The following DTD1 variants were observed in gnomAD, a reference collection of about 807,000 sequenced individuals.
DTD1 encodes the protein D-tyrosyl-tRNA deacylase 1 homolog.
In DTD1, 13 loss-of-function variants were observed where a neutral mutation model predicts 25.6. That is an observed-to-expected ratio of 0.51 (90% CI 0.33 to 0.81). DTD1 has a LOEUF of 0.81. Among genes scored for constraint, DTD1 ranks in the 30% least tolerant of loss-of-function variants. The pLI, the probability that DTD1 is intolerant of heterozygous loss-of-function variation, is 0.02. For synonymous variants in DTD1, 110 were observed against 103.6 expected (o/e 1.06, Z -0.37); for missense variants, 193 against 266.4 (o/e 0.72, Z 1.92).
intron 4 of DTD1, among the ~76,000 whole-genome samples, chr20:18,741,682 G>A (rs2061278651): frequency 5.9e-5 from 9 of 151,728 alleles, no homozygotes; most frequent in Admixed American, 5.9e-4. Context: ...AGCTAAATTT[G>A]TTTTGTATAA....
chr20:18,615,488 C>A (rs1285502143), intron 3 of DTD1, among the ~76,000 whole-genome samples: 1 of 152,180 alleles, frequency 6.6e-6, no homozygotes, highest in African/African-American at 2.4e-5. Context: ...CACATGAATG[C>A]TGAAGGCCCC....
chr20:18,593,990 T>C (rs986022626), intron 2 of DTD1, among the ~76,000 whole-genome samples, 169 bp downstream of exon 2: 1 of 152,156 alleles, frequency 6.6e-6, no homozygotes. Context: ...CGAGGAAGAA[T>C]GATTTAGGAG....
chr20:18,721,909 G>A (rs958126307), intron 4 of DTD1, among the ~76,000 whole-genome samples: 1 of 152,148 alleles, frequency 6.6e-6, no homozygotes, highest in Non-Finnish European at 1.5e-5. Context: ...GGTCACACCC[G>A]GGTCTGTGCA....
intron 3 of DTD1, among the ~76,000 whole-genome samples, chr20:18,613,842 A>G (rs1373411854): frequency 1.3e-5 from 2 of 152,206 alleles, no homozygotes; most frequent in Non-Finnish European, 2.9e-5. Context: ...ACCAATACCC[A>G]TGCAGAGTGT....
intron 4 of DTD1, among the ~76,000 whole-genome samples, chr20:18,629,371 G>A (rs2060774076): frequency 7.1e-6 from 1 of 140,930 alleles, no homozygotes; most frequent in Admixed American, 8.0e-5. Flanking sequence ...TGCGATCATG[G>A]CTCACTCCAG....
intron 4 of DTD1, 121 bp downstream of exon 4, chr20:18,628,354 T>G: frequency 1.3e-6 from 1 of 753,044 alleles, no homozygotes; most frequent in Non-Finnish European, 2.2e-6. Flanking sequence ...TTTATTTTAA[T>G]ACCTGCCTTC....
At chr20:18,704,848 G>T (rs951092191) in intron 4 of DTD1, among the ~76,000 whole-genome samples, 1 of 152,174 alleles carries the variant, frequency 6.6e-6, no homozygotes, top group Admixed American at 6.5e-5. Flanking sequence ...GGCAGGGGAA[G>T]GAGATCAGGA....
At chr20:18,616,133 T>C (rs1219467938) in intron 3 of DTD1, among the ~76,000 whole-genome samples, 1 of 152,194 alleles carries the variant, frequency 6.6e-6, no homozygotes, top group Non-Finnish European at 1.5e-5. Context: ...AATGGCAGGG[T>C]TGGCAAACTG....
At position 18,648,823 on chromosome 20, in the gene DTD1, C is replaced by T. The variant is rs929759565; in HGVS notation, c.477+20590C>T. On this transcript the variant is annotated intron_variant, in intron 4 of 5. Coordinates refer to ENST00000377452, the MANE Select transcript of DTD1 (RefSeq NM_080820.6). ...CATTCTGGCTAACACGGTGAAACCT[C>T]GTCTCTACTAAAAATACAAAAAATT... is the stretch of plus-strand genomic sequence containing the variant. 2.6e-5 allele frequency among the ~76,000 whole-genome samples: 4 copies of T among 151,554 alleles called. 1 individual carries two copies. The highest frequency in any genetic ancestry group is 9.7e-5 in the African/African-American group (4 of 41,232).
intron 4 of DTD1, among the ~76,000 whole-genome samples, chr20:18,695,287 T>C (rs6081305): frequency 0.36 from 54,755 of 151,196 alleles, 10,236 homozygotes; most frequent in Non-Finnish European, 0.41. Flanking sequence ...CTCGTTCAGG[T>C]GCACATCTGC....
At chr20:18,627,951 T>A (rs1404731829) in intron 3 of DTD1, among the ~76,000 whole-genome samples, 176 bp from the exon 4 acceptor site, 1 of 152,180 alleles carries the variant, frequency 6.6e-6, no homozygotes, top group African/African-American at 2.4e-5. Context: ...CCGCCATGAT[T>A]GTGAGGCCTT....
At chr20:18,599,877 T>C (rs948930970) in intron 3 of DTD1, among the ~76,000 whole-genome samples, 6 of 152,230 alleles carry the variant, frequency 3.9e-5, no homozygotes, top group Admixed American at 3.3e-4. Flanking sequence ...TTTCTTACTG[T>C]GTTTTAAGAG....
chr20:18,679,368 G>T (rs2060988069), intron 4 of DTD1, among the ~76,000 whole-genome samples: 1 of 152,146 alleles, frequency 6.6e-6, no homozygotes, highest in South Asian at 2.1e-4. Context: ...ATAGTCTGAG[G>T]TTTACATGAC....
intron 4 of DTD1, among the ~76,000 whole-genome samples, chr20:18,697,775 C>G (rs1481221761): frequency 6.6e-6 from 1 of 152,240 alleles, no homozygotes; most frequent in African/African-American, 2.4e-5. Flanking sequence ...AGCTCCGCCT[C>G]TTAGGTTCAC....
intron 3 of DTD1, among the ~76,000 whole-genome samples, chr20:18,624,667 C>G (rs1026122647): frequency 4.6e-5 from 7 of 152,174 alleles, no homozygotes; most frequent in African/African-American, 1.7e-4. Flanking sequence ...CTCAGTTAGA[C>G]AACCATATAG....
intron 4 of DTD1, among the ~76,000 whole-genome samples, chr20:18,724,976 G>T (rs181963767): frequency 2.6e-5 from 4 of 152,362 alleles, no homozygotes; most frequent in African/African-American, 9.6e-5. Flanking sequence ...GGCTCAGCCC[G>T]TGAGTGAGGG....
intron 3 of DTD1, among the ~76,000 whole-genome samples, chr20:18,606,878 GT>G (rs1191020308): frequency 6.6e-6 from 1 of 150,396 alleles, no homozygotes; most frequent in African/African-American, 2.5e-5. Context: ...GTATACATAT[GT>G]AACTAACCTG....
intron 5 of DTD1, among the ~76,000 whole-genome samples, chr20:18,757,020 C>A (rs1034541258): frequency 1.3e-5 from 2 of 150,314 alleles, no homozygotes; most frequent in African/African-American, 4.9e-5. Context: ...GTATTTTATT[C>A]TCTTTGAAGC....
chr20:18,729,866 C>T lies in DTD1; in HGVS notation c.478-14234C>T, dbSNP rs909783318. On this transcript the variant is annotated intron_variant, in intron 4 of 5. Transcript: ENST00000377452. The stretch of plus-strand genomic sequence containing the variant: ...CTGTCCTGCCCCTTATGTTCATCAC[C>T]TCCCTTCTTCCTTCTCTCTCTGAGT... Among the ~76,000 whole-genome samples, 11 of 152,130 alleles carry T rather than the reference C, an allele frequency of 7.2e-5. No homozygotes were observed. In the South Asian group the frequency reaches 2.3e-3, roughly 32 times the overall value.
Sources: allele counts gnomAD v4.1 joint callset (sites outside exome capture counted in the v4.1 genomes callset), GRCh38; gene constraint gnomAD v4.1.1; transcripts MANE v1.5; gene names NCBI Gene and HGNC (gene_info 2026-07-23, HGNC 2026-07-21).